Variants in ZNF609 observed in about 807,000 individuals in gnomAD.
The protein encoded by ZNF609 is zinc finger protein 609.
A neutral mutation model predicts 109.5 loss-of-function variants in ZNF609; 11 were observed. The ratio of observed to expected loss-of-function variants is 0.10; its 90% CI spans 0.06 to 0.17. The LOEUF (loss-of-function observed/expected upper bound fraction) is 0.17. Ranked by LOEUF, ZNF609 falls within the 10% of genes least tolerant of loss-of-function variation. The pLI, the probability that ZNF609 is intolerant of heterozygous loss-of-function variation, is 1.00. For synonymous variants in ZNF609, 646 were observed against 662.0 expected, an observed-to-expected ratio of 0.98 and a Z score of 0.37; for missense variants, 1,559 against 1,772.4, an observed-to-expected ratio of 0.88 and a Z score of 2.16.
chr15:64,680,904 T>G (rs760217500), intron 8 of ZNF609, 42 bp downstream of exon 8: 4 of 1,598,204 alleles, frequency 2.5e-6, no homozygotes, highest in Non-Finnish European at 1.7e-6. Context: ...TGTCTTGTTT[T>G]GTTTTGTTTA....
At chr15:64,528,915 G>A in intron 2 of ZNF609, 1 of 1,116,078 alleles carries the variant, frequency 9.0e-7, no homozygotes, top group South Asian at 1.3e-5. Context: ...TCATCATATT[G>A]GCAGGTTTTT....
At chr15:64,474,478 G>T (rs1374050399) in intron 1 of ZNF609, among the ~76,000 whole-genome samples, 8 of 152,180 alleles carry the variant, frequency 5.3e-5, no homozygotes. Flanking sequence ...CTCCCAAAGT[G>T]CTGGGATTAC....
At chr15:64,516,038 T>C (rs1341517973) in intron 2 of ZNF609, among the ~76,000 whole-genome samples, 1 of 151,946 alleles carries the variant, frequency 6.6e-6, no homozygotes, top group Non-Finnish European at 1.5e-5. Context: ...CTGTCTGTAG[T>C]TGGTAGTAAA....
intron 2 of ZNF609, among the ~76,000 whole-genome samples, chr15:64,587,677 G>A (rs1895220186): frequency 6.6e-6 from 1 of 152,128 alleles, no homozygotes; most frequent in Non-Finnish European, 1.5e-5. Context: ...GAGACCTTTA[G>A]GAGATGTGAA....
rs2140323173 is a variant in ZNF609, at chr15:64,460,652, G to C, written c.-314G>C. 6.3e-6 allele frequency: 1 copy of C among 158,056 alleles called. No homozygotes were observed. The highest frequency in any genetic ancestry group is 2.4e-5 in the African/African-American group (1 of 40,866). 9.8% of individuals were successfully genotyped at this position (158,056 alleles called of 1,614,324 possible). A position where few individuals can be genotyped will look rare whatever the true frequency, so the allele number is the denominator to read the frequency against. ...CGCGGCCCCGGACACAGCGGCACCG[G>C]CCGGGCGGGGCGGAGAGGCGCGGGG... is the stretch of plus-strand genomic sequence containing the variant. On this transcript the variant is annotated 5_prime_UTR_variant, in exon 1 of 10. Transcript: ENST00000326648.
At chr15:64,557,964 G>A (rs532914874) in intron 2 of ZNF609, among the ~76,000 whole-genome samples, 1 of 152,244 alleles carries the variant, frequency 6.6e-6, no homozygotes, top group East Asian at 1.9e-4. Context: ...GATTACAGGC[G>A]TGAGCCACCG....
intron 2 of ZNF609, among the ~76,000 whole-genome samples, chr15:64,571,790 C>T (rs560173702): frequency 8.9e-4 from 136 of 152,286 alleles, no homozygotes; most frequent in African/African-American, 3.2e-3. Flanking sequence ...CTGCCTCAGC[C>T]TCCCAAGTAG....
At chr15:64,661,516 C>A (rs1896576280) in intron 3 of ZNF609, among the ~76,000 whole-genome samples, 1 of 152,166 alleles carries the variant, frequency 6.6e-6, no homozygotes, top group African/African-American at 2.4e-5. Context: ...TTGTCAACAT[C>A]AATCAGGATT....
intron 2 of ZNF609, among the ~76,000 whole-genome samples, chr15:64,596,074 AG>A (rs1233160198): frequency 1.3e-5 from 2 of 152,204 alleles, no homozygotes; most frequent in Admixed American, 1.3e-4. Flanking sequence ...TTCTAGAATC[AG>A]CAGACTTGTT....
intron 1 of ZNF609, among the ~76,000 whole-genome samples, chr15:64,479,191 A>G (rs1350015702): frequency 6.6e-6 from 1 of 151,612 alleles, no homozygotes; most frequent in Non-Finnish European, 1.5e-5. Flanking sequence ...TAAGAAAGAA[A>G]TTCAGTTATA....
At chr15:64,580,858 A>G (rs1567020473) in intron 2 of ZNF609, among the ~76,000 whole-genome samples, 1 of 150,030 alleles carries the variant, frequency 6.7e-6, no homozygotes, top group Non-Finnish European at 1.5e-5. Context: ...ATCTGGGAAT[A>G]TCTTAATTTT....
At chr15:64,555,097 A>G (rs1894556760) in intron 2 of ZNF609, among the ~76,000 whole-genome samples, 1 of 148,558 alleles carries the variant, frequency 6.7e-6, no homozygotes, top group South Asian at 2.1e-4. Context: ...CACCATCTCA[A>G]AAAAAAAAAA....
chr15:64,475,207 C>T (rs965549369), intron 1 of ZNF609, among the ~76,000 whole-genome samples: 4 of 148,690 alleles, frequency 2.7e-5, no homozygotes, highest in Admixed American at 6.8e-5. Flanking sequence ...GAATGCACTA[C>T]CTTGCTCCCA....
chr15:64,514,211 C>CT (rs1893775793), intron 2 of ZNF609, among the ~76,000 whole-genome samples: 1 of 151,576 alleles, frequency 6.6e-6, no homozygotes, highest in Non-Finnish European at 1.5e-5. Flanking sequence ...TCCTTTCTTT[C>CT]TTTTTTTGCC....
At position 64,684,959 on chromosome 15, in the gene ZNF609, C is replaced by A; in HGVS notation, c.*3273C>A. On this transcript the variant is annotated 3_prime_UTR_variant, in exon 10 of 10. Coordinates refer to ENST00000326648, the MANE Select transcript of ZNF609 (RefSeq NM_015042.2). The stretch of plus-strand genomic sequence containing the variant: ...TCAAGCCCCTCCCAGGCCCTGTCCC[C>A]AGCCCCTCCTGCCCCAGCCCACCCG... 6.5e-6 allele frequency: 1 copy of A among 152,926 alleles called. No individual in the cohort carries two copies. 9.5% of individuals were successfully genotyped at this position (152,926 alleles called of 1,614,324 possible).
intron 3 of ZNF609, among the ~76,000 whole-genome samples, chr15:64,635,879 C>CTA (rs1344907360): frequency 0.033 from 1,197 of 35,928 alleles, 21 homozygotes; most frequent in African/African-American, 0.051. Flanking sequence ...TCTCTGACTA[C>CTA]TCTGAAACAA....
Position 64,579,094 on chromosome 15 carries a change from C to CTAG in ZNF609, c.748-43733_748-43732insTAG, listed in dbSNP as rs571020767. ...ATAAAACAAAAAAGATTTGCATCTACATTTTGCTATTTTTTTATGTCTTTT... is the reference window on the plus strand; with the variant it reads ...ATAAAACAAAAAAGATTTGCATCTACTAGATTTTGCTATTTTTTTATGTCTTTT... On this transcript the variant is annotated intron_variant, in intron 2 of 9. Coordinates refer to ENST00000326648, the MANE Select transcript of ZNF609 (RefSeq NM_015042.2). Among the ~76,000 whole-genome samples, 11 of 152,118 alleles carry CTAG rather than the reference C, an allele frequency of 7.2e-5. No homozygotes were observed. In the South Asian group the frequency reaches 2.3e-3, roughly 32 times the overall value.
intron 1 of ZNF609, among the ~76,000 whole-genome samples, chr15:64,483,794 C>G (rs1365112549): frequency 6.6e-6 from 1 of 152,166 alleles, no homozygotes; most frequent in Non-Finnish European, 1.5e-5. Context: ...GCCTCAACCT[C>G]CAGAATAGCC....
chr15:64,481,381 C>T (rs1158259043), intron 1 of ZNF609, among the ~76,000 whole-genome samples: 2 of 141,234 alleles, frequency 1.4e-5, no homozygotes, highest in East Asian at 2.1e-4. Context: ...AGTGCAATGG[C>T]GCGATCTCGG....
Sources: allele counts gnomAD v4.1 joint callset (sites outside exome capture counted in the v4.1 genomes callset), GRCh38; gene constraint gnomAD v4.1.1; transcripts MANE v1.5; gene names NCBI Gene and HGNC (gene_info 2026-07-23, HGNC 2026-07-21).